Variants in HS3ST5 observed in about 807,000 individuals in gnomAD.
HS3ST5 encodes heparan sulfate-glucosamine 3-sulfotransferase 5.
A neutral mutation model predicts 25.4 loss-of-function variants in HS3ST5; 10 were observed. The observed-to-expected ratio is 0.39, with a 90% CI of 0.24 to 0.67. The LOEUF is 0.67. Ranked by LOEUF, HS3ST5 falls within the 30% of genes least tolerant of loss-of-function variation. The pLI, the probability that HS3ST5 is intolerant of heterozygous loss-of-function variation, is 0.44. For missense variants in HS3ST5, 324 were observed against 420.7 expected, an observed-to-expected ratio of 0.77 and a Z score of 2.01; for synonymous variants, 170 against 162.4, an observed-to-expected ratio of 1.05 and a Z score of -0.36.
chr6:114,242,231 A>C (rs1033203904), intron 1 of HS3ST5, among the ~76,000 whole-genome samples: 2 of 152,198 alleles, frequency 1.3e-5, no homozygotes, highest in Admixed American at 1.3e-4. Flanking sequence ...TATTGATTAC[A>C]TATTGAAATA....
intron 3 of HS3ST5, among the ~76,000 whole-genome samples, chr6:114,120,033 T>C (rs1776709675): frequency 6.6e-6 from 1 of 152,102 alleles, no homozygotes; most frequent in South Asian, 2.1e-4. Flanking sequence ...TAATCCCAGC[T>C]ACTCAGGAGG....
chr6:114,148,205 G>C (rs896469117), intron 3 of HS3ST5, among the ~76,000 whole-genome samples: 14 of 152,108 alleles, frequency 9.2e-5, no homozygotes, highest in African/African-American at 3.4e-4. Flanking sequence ...TTTAATAAAT[G>C]GTACTGGGAA....
chr6:114,205,812 C>T (rs1781253191), intron 2 of HS3ST5, among the ~76,000 whole-genome samples: 1 of 152,136 alleles, frequency 6.6e-6, no homozygotes, highest in South Asian at 2.1e-4. Flanking sequence ...TTAGATCCCT[C>T]ACACGTGCAG....
chr6:114,267,686 A>G (rs1357263801), intron 1 of HS3ST5, among the ~76,000 whole-genome samples: 2 of 152,178 alleles, frequency 1.3e-5, no homozygotes, highest in Non-Finnish European at 2.9e-5. Context: ...CAAACAGCCA[A>G]TTTGGCCAAG....
At chr6:114,087,626 AAG>A (rs1414638198) in intron 3 of HS3ST5, among the ~76,000 whole-genome samples, 1 of 152,204 alleles carries the variant, frequency 6.6e-6, no homozygotes, top group African/African-American at 2.4e-5. Context: ...AGGTGCAAAA[AAG>A]AGTTCTATGC....
chr6:114,252,972 A>T (rs1294272991), intron 1 of HS3ST5, among the ~76,000 whole-genome samples: 1 of 152,180 alleles, frequency 6.6e-6, no homozygotes, highest in Non-Finnish European at 1.5e-5. Flanking sequence ...GCTTGAGCCC[A>T]GGAATTCAAG....
chr6:114,140,826 T>C (rs184887068), intron 3 of HS3ST5, among the ~76,000 whole-genome samples: 17 of 152,354 alleles, frequency 1.1e-4, no homozygotes, highest in Admixed American at 9.1e-4. Context: ...GGCAAGATCT[T>C]GGAGCCTGGC....
chr6:114,202,625 C>A (rs1781080485), intron 2 of HS3ST5, among the ~76,000 whole-genome samples: 1 of 152,076 alleles, frequency 6.6e-6, no homozygotes, highest in Admixed American at 6.6e-5. Flanking sequence ...TGAGCAAAGT[C>A]ACAAAATCCT....
At chr6:114,271,377 T>C (rs1404495143) in intron 1 of HS3ST5, among the ~76,000 whole-genome samples, 1 of 152,088 alleles carries the variant, frequency 6.6e-6, no homozygotes, top group Non-Finnish European at 1.5e-5. Context: ...AGTGAGATTA[T>C]GTATATATGA....
intron 3 of HS3ST5, among the ~76,000 whole-genome samples, chr6:114,118,375 G>C (rs1416542063): frequency 6.6e-6 from 1 of 152,196 alleles, no homozygotes; most frequent in Non-Finnish European, 1.5e-5. Context: ...GGGCAAATCT[G>C]TGTTTTGTCT....
intron 1 of HS3ST5, among the ~76,000 whole-genome samples, chr6:114,257,956 G>T (rs1057028452): frequency 6.6e-6 from 1 of 152,010 alleles, no homozygotes; most frequent in Non-Finnish European, 1.5e-5. Context: ...GAGGTCTCTC[G>T]CTATGTTGCC....
chr6:114,273,787 G>T (rs961852713), intron 1 of HS3ST5, among the ~76,000 whole-genome samples: 4 of 152,052 alleles, frequency 2.6e-5, no homozygotes, highest in African/African-American at 9.7e-5. Context: ...AGCAGTTTCA[G>T]GGGAGTTGTG....
chr6:114,256,379 C>A (rs1341244888), intron 1 of HS3ST5, among the ~76,000 whole-genome samples: 2 of 149,726 alleles, frequency 1.3e-5, no homozygotes, highest in East Asian at 4.0e-4. Context: ...CAGAGCAAGA[C>A]TCCCTCTCAA....
intron 3 of HS3ST5, among the ~76,000 whole-genome samples, chr6:114,079,066 C>T (rs569419027): frequency 1.3e-5 from 2 of 152,140 alleles, no homozygotes; most frequent in African/African-American, 4.8e-5. Context: ...GCTGGGCCTT[C>T]GGTGAGTTGT....
rs540838109 is a variant in HS3ST5, at chr6:114,245,269, A to G, written c.-338-16491T>C. On this transcript the variant is annotated intron_variant, in intron 1 of 4. Transcript: ENST00000312719. Reference sequence around the variant, plus strand: ...AAATATGCTTTTCTGGAAATTGGAAAGTCCCCATACAGCATCATGCTTCTG... The same window carrying G: ...AAATATGCTTTTCTGGAAATTGGAAGGTCCCCATACAGCATCATGCTTCTG... Among the ~76,000 whole-genome samples, 228 of 152,330 alleles carry G rather than the reference A, an allele frequency of 1.5e-3. 1 individual carries two copies. Among genetic ancestry groups the G allele is most frequent in the African/African-American group, 5.4e-3 (224 of 41,586 alleles).
intron 1 of HS3ST5, among the ~76,000 whole-genome samples, chr6:114,296,112 T>G (rs1774808830): frequency 6.6e-6 from 1 of 152,196 alleles, no homozygotes; most frequent in African/African-American, 2.4e-5. Flanking sequence ...TTCTTACTTT[T>G]TTTGAGTGCA....
At chr6:114,124,859 T>C (rs188864951) in intron 3 of HS3ST5, among the ~76,000 whole-genome samples, 37 of 152,306 alleles carry the variant, frequency 2.4e-4, no homozygotes, top group Middle Eastern at 3.4e-3. Flanking sequence ...AACTGCTTGA[T>C]GGTAATAAAG....
intron 3 of HS3ST5, among the ~76,000 whole-genome samples, chr6:114,123,592 C>T (rs942292198): frequency 2.0e-5 from 3 of 152,164 alleles, no homozygotes; most frequent in African/African-American, 7.2e-5. Flanking sequence ...CCTTTCCAAT[C>T]AAGTCACTTT....
In HS3ST5 at chr6:114,256,194, T is replaced by C. The variant is rs373788483; in HGVS notation, c.-338-27416A>G. ...ACAAGGTCAGGACATCAAGACCATC[T>C]TGGCTAACACAGTGAAACCTCGTCT... On this transcript the variant is annotated intron_variant, in intron 1 of 4. Coordinates refer to ENST00000312719, the MANE Select transcript of HS3ST5 (RefSeq NM_153612.4). 5.2e-3 allele frequency among the ~76,000 whole-genome samples: 796 copies of C among 152,158 alleles called. 4 individuals carry two copies. Among genetic ancestry groups the C allele is most frequent in the South Asian group, 0.01 (50 of 4,814 alleles).
Sources: allele counts gnomAD v4.1 joint callset (sites outside exome capture counted in the v4.1 genomes callset), GRCh38; gene constraint gnomAD v4.1.1; transcripts MANE v1.5; gene names NCBI Gene and HGNC (gene_info 2026-07-23, HGNC 2026-07-21).